FAT4: variants seen among roughly 807,000 people sequenced by gnomAD.
FAT4 encodes the protein FAT atypical cadherin 4.
In FAT4, 84 loss-of-function variants were observed where a neutral mutation model predicts 303.9. That is an observed-to-expected ratio of 0.28 (90% confidence interval 0.23 to 0.33). The LOEUF is 0.33. FAT4 is among the 10% of genes least tolerant of loss of function. FAT4 has a pLI of 1.00. For missense variants in FAT4, 6,005 were observed against 6,146.8 expected (o/e 0.98, Z 0.77); for synonymous variants, 2,307 against 2,298.8 (o/e 1.00, Z -0.10).
intron 2 of FAT4, among the ~76,000 whole-genome samples, chr4:125,372,187 A>C (rs557467689): frequency 6.5e-4 from 99 of 152,014 alleles, no homozygotes; most frequent in African/African-American, 2.2e-3. Context: ...TCTCCACCAA[A>C]AAAAAGAAAA....
At chr4:125,364,023 G>A (rs1024707562) in intron 2 of FAT4, among the ~76,000 whole-genome samples, 2 of 152,040 alleles carry the variant, frequency 1.3e-5, no homozygotes, top group Non-Finnish European at 2.9e-5. Context: ...AGATTTCAAG[G>A]ATGCAAAAGT....
At chr4:125,473,791 GT>G (rs67527018) in intron 12 of FAT4, among the ~76,000 whole-genome samples, 114,496 of 151,778 alleles carry the variant, frequency 0.75, 43,310 homozygotes, top group East Asian at 0.85. Context: ...GAAGGATGCA[GT>G]TTCATTTGTA....
intron 2 of FAT4, among the ~76,000 whole-genome samples, chr4:125,381,201 A>G (rs191311398): frequency 6.6e-6 from 1 of 152,334 alleles, no homozygotes; most frequent in Admixed American, 6.5e-5. Context: ...GTATGTGAGT[A>G]GAAGAGACAA....
At chr4:125,458,565 T>G (rs1186994314) in intron 10 of FAT4, among the ~76,000 whole-genome samples, 2 of 151,928 alleles carry the variant, frequency 1.3e-5, no homozygotes, top group Non-Finnish European at 2.9e-5. Flanking sequence ...TTATTTAATT[T>G]GATTCCTGAA....
At chr4:125,330,830 G>A (rs1027659044) in intron 2 of FAT4, among the ~76,000 whole-genome samples, 13 of 152,058 alleles carry the variant, frequency 8.5e-5, no homozygotes, top group African/African-American at 3.1e-4. Flanking sequence ...TTCACTTATA[G>A]TAAAAGTCAA....
At chr4:125,330,273 T>C (rs563070100) in intron 2 of FAT4, among the ~76,000 whole-genome samples, 4 of 152,350 alleles carry the variant, frequency 2.6e-5, no homozygotes, top group South Asian at 2.1e-4. Context: ...TAATAACTTA[T>C]TATTGTAACT....
chr4:125,452,499 A>C lies in FAT4; in HGVS notation c.11489A>C (p.Lys3830Thr), dbSNP rs547156578. The C allele has an allele frequency of 1.9e-6, 3 of 1,614,056 alleles. No individual in the cohort carries two copies. The highest frequency in any genetic ancestry group is 2.2e-5 in the South Asian group (2 of 91,078). The change falls in exon 10 of 18, where the codon AAA becomes ACA. Residue 3830 changes from lysine (K) to threonine (T), a missense_variant. By Grantham distance (78) the Lys-to-Thr change is moderately conservative (BLOSUM62 -1). Coordinates refer to ENST00000394329, the MANE Select transcript of FAT4 (RefSeq NM_001291303.3). ...LRRLAVSSVL[K>T]SRESLPVIIV... ...AGATTGGCTGTGAGCTCCGTATTAAAAAGCCGTGAGAGTCTTCCAGTCATC... is the reference window on the plus strand; with the variant it reads ...AGATTGGCTGTGAGCTCCGTATTAACAAGCCGTGAGAGTCTTCCAGTCATC...
chr4:125,415,151 C>A lies in FAT4; in HGVS notation c.6188C>A (p.Thr2063Lys). ...AAATTGACATACATTCCAGAAAATA[C>A]ACCTATTGATACTGTTGTTTTCAAA... The part of the protein sequence containing the change: ...SPKLTYIPEN[T>K]PIDTVVFKAQ... The change falls in exon 6 of 18, where the codon ACA (threonine) becomes AAA (lysine). Residue 2063 changes from threonine (T) to lysine (K), a missense_variant. Transcript: ENST00000394329. The A allele has an allele frequency of 6.2e-7, 1 of 1,614,024 alleles. No individual in the cohort carries two copies. The highest frequency in any genetic ancestry group is 1.1e-5 in the South Asian group (1 of 91,080).
At chr4:125,339,670 G>A (rs1378590105) in intron 2 of FAT4, among the ~76,000 whole-genome samples, 3 of 151,908 alleles carry the variant, frequency 2.0e-5, no homozygotes, top group Admixed American at 6.6e-5. Flanking sequence ...AATAGTTATC[G>A]TTGTTATTAC....
At chr4:125,459,848 A>G (rs1726422619) in intron 10 of FAT4, among the ~76,000 whole-genome samples, 1 of 152,084 alleles carries the variant, frequency 6.6e-6, no homozygotes, top group African/African-American at 2.4e-5. Context: ...AATTCAAACT[A>G]CTGCATTCTC....
intron 11 of FAT4, among the ~76,000 whole-genome samples, chr4:125,467,975 A>G (rs1425757489): frequency 6.6e-6 from 1 of 151,750 alleles, no homozygotes; most frequent in East Asian, 1.9e-4. Context: ...GACCAGCCTG[A>G]CCAACAAGGT....
In FAT4 at chr4:125,337,892, GAGTATCAC is replaced by G. The variant is rs543452147; in HGVS notation, c.5175+16314_5175+16321del. ...GACTTGGGGAAGCTGTCTTCCCCAA[GAGTATCAC>G]AGTATCAGTTGCCTCTTTTGTGAAA... On this transcript the variant is annotated intron_variant, in intron 2 of 17. Transcript: ENST00000394329. 2.2e-3 allele frequency among the ~76,000 whole-genome samples: 328 copies of G among 152,244 alleles called. 3 individuals are homozygous for G. Among genetic ancestry groups the G allele is most frequent in the African/African-American group, 7.3e-3 (304 of 41,562 alleles).
Position 125,490,964 on chromosome 4 carries a change from A to G in FAT4, c.14148A>G (p.Arg4716=). 5 of 1,614,228 alleles carry G rather than the reference A, an allele frequency of 3.1e-6. No individual in the cohort carries two copies. The highest frequency in any genetic ancestry group is 4.2e-6 in the Non-Finnish European group (5 of 1,180,034). The part of the protein sequence containing the change: ...APFSKSSTFY[R]NSPARELHLP... ...TCTCCAAATCTTCTACGTTCTATAG[A>G]AACAGCCCAGCAAGGGAATTGCATC... The change falls in exon 18 of 18, where the codon AGA becomes AGG. Residue 4716 remains arginine (R), a synonymous_variant. Coordinates refer to ENST00000394329, the MANE Select transcript of FAT4 (RefSeq NM_001291303.3).
chr4:125,333,255 AAC>A (rs1731454181), intron 2 of FAT4, among the ~76,000 whole-genome samples: 1 of 152,028 alleles, frequency 6.6e-6, no homozygotes, highest in African/African-American at 2.4e-5. Context: ...ATACTAAACA[AAC>A]ACAGGGTAAA....
intron 7 of FAT4, among the ~76,000 whole-genome samples, chr4:125,431,352 G>A (rs2126041551): frequency 6.6e-6 from 1 of 152,214 alleles, no homozygotes; most frequent in Admixed American, 6.5e-5. Context: ...TGAATTTTTA[G>A]AGAGCTAAAT....
rs770036596 is a variant in FAT4, at chr4:125,490,183, C to T, written c.13367C>T (p.Pro4456Leu). ...CACTCCGGCTTCACCTGTAGCTGCC[C>T]AGACTCGCACACGGGAAGGACCTGT... ...GLHSGFTCSC[P>L]DSHTGRTCEM... Residue 4456 changes from proline to leucine, a missense_variant, in exon 18 of 18, where the codon CCA (proline) becomes CTA (leucine). Pro to Leu is a moderately conservative substitution (Grantham distance 98, BLOSUM62 -3). Transcript: ENST00000394329. 21 of 1,614,036 alleles carry T rather than the reference C, an allele frequency of 1.3e-5. No individual in the cohort carries two copies. In the East Asian group the frequency reaches 4.5e-4, roughly 34 times the overall value.
intron 2 of FAT4, among the ~76,000 whole-genome samples, chr4:125,333,666 CTTTAT>C (rs1731468989): frequency 6.6e-6 from 1 of 152,064 alleles, no homozygotes. Flanking sequence ...CTTAAGGAGA[CTTTAT>C]TTTAAGCTAT....
At chr4:125,483,936 G>GTTTT (rs201560384) in intron 16 of FAT4, among the ~76,000 whole-genome samples, 1 of 96,790 alleles carries the variant, frequency 1.0e-5, no homozygotes, top group African/African-American at 4.2e-5. Context: ...CCAGGGTTCC[G>GTTTT]TTTTTTTTTT....
Position 125,452,217 on chromosome 4 carries a change from T to C in FAT4, c.11207T>C (p.Leu3736Ser). ...DFLTNHYLHF[L>S]RIASSQLTGL... The stretch of plus-strand genomic sequence containing the variant: ...TTGACCAACCACTATCTTCATTTTT[T>C]ACGCATTGCCAGCTCACAGCTGACA... The change falls in exon 10 of 18, where the codon TTA becomes TCA. Residue 3736 changes from leucine to serine, a missense_variant. Coordinates refer to ENST00000394329, the MANE Select transcript of FAT4 (RefSeq NM_001291303.3). 1 of 1,614,246 alleles carries C rather than the reference T, an allele frequency of 6.2e-7. No homozygotes were observed. Among genetic ancestry groups the C allele is most frequent in the Non-Finnish European group, 8.5e-7 (1 of 1,180,036 alleles).
Sources: allele counts gnomAD v4.1 joint callset (sites outside exome capture counted in the v4.1 genomes callset), GRCh38; gene constraint gnomAD v4.1.1; transcripts MANE v1.5; gene names NCBI Gene and HGNC (gene_info 2026-07-23, HGNC 2026-07-21).